Variants in RTN4 observed in about 807,000 individuals in gnomAD.
The protein encoded by RTN4 is reticulon 4.
In RTN4, 32 loss-of-function variants were observed where a neutral mutation model predicts 90.4. The observed-to-expected ratio is 0.35, with a 90% confidence interval of 0.27 to 0.48. The LOEUF (loss-of-function observed/expected upper bound fraction) is 0.48. RTN4 is among the 20% of genes least tolerant of loss of function. RTN4 has a pLI of 0.99. For synonymous variants in RTN4, 629 were observed against 552.5 expected (o/e 1.14, Z -1.94); for missense variants, 1,706 against 1,430.2 (o/e 1.19, Z -3.11).
chr2:55,110,694 C>T (rs1668022611), intron 1 of RTN4, among the ~76,000 whole-genome samples: 1 of 152,080 alleles, frequency 6.6e-6, no homozygotes, highest in African/African-American at 2.4e-5. Flanking sequence ...GTGTTTACTC[C>T]AGAAATAAAA....
At chr2:55,041,392 T>TA (rs1014135175) in intron 1 of RTN4, among the ~76,000 whole-genome samples, 9 of 151,842 alleles carry the variant, frequency 5.9e-5, no homozygotes, top group African/African-American at 2.2e-4. Flanking sequence ...GGGGACAAGA[T>TA]AAAAAAAATT....
chr2:55,004,117 ACC>A lies in RTN4; in HGVS notation c.3014-16421_3014-16420del, dbSNP rs1210146911. 2.6e-5 allele frequency among the ~76,000 whole-genome samples: 4 copies of A among 152,258 alleles called. No individual in the cohort carries two copies. In the East Asian group the frequency reaches 7.7e-4, roughly 29 times the overall value. On this transcript the variant is annotated intron_variant, in intron 3 of 8. Transcript: ENST00000337526. ...GCCCAGAGAACTCCCACTAGGTTTA[ACC>A]TTTTGACAATACCTGTACTAAATGA... is the stretch of plus-strand genomic sequence containing the variant.
At chr2:55,000,976 A>T (rs1679811697) in intron 3 of RTN4, among the ~76,000 whole-genome samples, 1 of 149,054 alleles carries the variant, frequency 6.7e-6, no homozygotes, top group African/African-American at 2.6e-5. Context: ...CCTTAAAAAT[A>T]AATTTATACT....
At chr2:55,011,531 T>C (rs914910545) in intron 3 of RTN4, among the ~76,000 whole-genome samples, 1 of 152,156 alleles carries the variant, frequency 6.6e-6, no homozygotes, top group Non-Finnish European at 1.5e-5. Context: ...GCGAAAATAC[T>C]ATAAGATACG....
intron 3 of RTN4, among the ~76,000 whole-genome samples, chr2:54,988,890 G>C (rs1678787003): frequency 1.3e-5 from 2 of 152,220 alleles, no homozygotes; most frequent in Admixed American, 1.3e-4. Context: ...AATGCAAGGA[G>C]AACCCCGAAG....
At chr2:55,048,895 T>C (rs1340037804) in intron 1 of RTN4, among the ~76,000 whole-genome samples, 1 of 152,162 alleles carries the variant, frequency 6.6e-6, no homozygotes, top group Non-Finnish European at 1.5e-5. Flanking sequence ...GATTCAATTA[T>C]GATGCACTAA....
chr2:55,005,662 TTGAG>T (rs1257940404), intron 3 of RTN4, among the ~76,000 whole-genome samples: 4 of 152,140 alleles, frequency 2.6e-5, no homozygotes, highest in Admixed American at 2.6e-4. Flanking sequence ...TTTTTACAGG[TTGAG>T]TATTACTGTA....
chr2:55,110,655 C>A (rs564532506), intron 1 of RTN4, among the ~76,000 whole-genome samples: 1 of 152,278 alleles, frequency 6.6e-6, no homozygotes, highest in East Asian at 1.9e-4. Flanking sequence ...TTAAAAAAAA[C>A]TGTCTCATTC....
intron 1 of RTN4, among the ~76,000 whole-genome samples, chr2:55,041,515 T>A (rs1442926238): frequency 6.6e-6 from 1 of 152,088 alleles, no homozygotes; most frequent in Non-Finnish European, 1.5e-5. Context: ...TACTTCTGTG[T>A]GAACTGACAG....
chr2:55,093,550 A>G (rs912960038), intron 1 of RTN4, among the ~76,000 whole-genome samples: 3 of 152,152 alleles, frequency 2.0e-5, no homozygotes, highest in African/African-American at 7.2e-5. Flanking sequence ...AGCATAGCTT[A>G]GAGGTGATGC....
At chr2:55,005,726 T>G (rs577064524) in intron 3 of RTN4, among the ~76,000 whole-genome samples, 1 of 152,186 alleles carries the variant, frequency 6.6e-6, no homozygotes, top group East Asian at 1.9e-4. Context: ...TTTGGAATAC[T>G]TGCATATACG....
intron 1 of RTN4, chr2:55,049,282 G>A (rs1052857929): frequency 1.1e-4 from 56 of 492,160 alleles, no homozygotes; most frequent in African/African-American, 9.8e-4. Context: ...CAACAGACCC[G>A]CAGCAAAACT....
chr2:55,128,330 G>A, the RTN4 span, among the ~76,000 whole-genome samples: 26 of 152,188 alleles, frequency 1.7e-4, 1 homozygote, highest in East Asian at 5.0e-3. Flanking sequence ...CACCCTCCTA[G>A]GGTGGAAGAC....
chr2:54,992,842 G>A (rs1381356954), intron 3 of RTN4, among the ~76,000 whole-genome samples: 1 of 152,020 alleles, frequency 6.6e-6, no homozygotes, highest in African/African-American at 2.4e-5. Context: ...GGCCGAGGCA[G>A]GTGGATCATG....
rs200990119 is a variant in RTN4 at position 54,972,930 on chromosome 2, G to A, written c.*226C>T. On this transcript the variant is annotated 3_prime_UTR_variant, in exon 9 of 9. Transcript: ENST00000337526. Reference sequence around the variant, plus strand: ...ATAGATAGGAAAAAGATATGATTACGGTTTAAATCCATACATAGCAGCTTA... The same window carrying A: ...ATAGATAGGAAAAAGATATGATTACAGTTTAAATCCATACATAGCAGCTTA... 8 of 385,468 alleles carry A rather than the reference G, an allele frequency of 2.1e-5. No individual in the cohort carries two copies. The highest frequency in any genetic ancestry group is 1.0e-4 in the African/African-American group (5 of 48,156). 23.9% of individuals were successfully genotyped at this position (385,468 alleles called of 1,614,324 possible). A position where few individuals can be genotyped will look rare whatever the true frequency, so the allele number is the denominator to read the frequency against.
At chr2:55,116,276 ACT>A (rs1668124198), upstream of RTN4, among the ~76,000 whole-genome samples, 3 of 151,996 alleles carry the variant, frequency 2.0e-5, no homozygotes, top group South Asian at 6.2e-4. Context: ...AGCTGATAAG[ACT>A]CTGGCTGTGC....
At chr2:55,022,128 T>C (rs1420896360) in intron 3 of RTN4, among the ~76,000 whole-genome samples, 1 of 152,188 alleles carries the variant, frequency 6.6e-6, no homozygotes, top group Non-Finnish European at 1.5e-5. Context: ...AGGTGACTCC[T>C]GAAATACTGA....
rs1267747499 is a variant in RTN4 at position 54,973,093 on chromosome 2, C to G, written c.*63G>C. 2 of 1,380,720 alleles carry G rather than the reference C, an allele frequency of 1.4e-6. No homozygotes were observed. The highest frequency in any genetic ancestry group is 2.4e-5 in the South Asian group (2 of 82,100). 85.5% of individuals were successfully genotyped at this position (1,380,720 alleles called of 1,614,324 possible). On this transcript the variant is annotated 3_prime_UTR_variant, in exon 9 of 9. Transcript: ENST00000337526. ...CAAGGTTCGTTCTTCCCTGACCCTC[C>G]CCCGTATAATCAAATGAATATCCCC...
upstream of RTN4, among the ~76,000 whole-genome samples, chr2:55,051,257 G>A (rs1338520483): frequency 6.6e-6 from 1 of 152,088 alleles, no homozygotes; most frequent in East Asian, 1.9e-4. Context: ...ACTCTTACAT[G>A]GTAAGAGAGT....
Sources: allele counts gnomAD v4.1 joint callset (sites outside exome capture counted in the v4.1 genomes callset), GRCh38; gene constraint gnomAD v4.1.1; transcripts MANE v1.5; gene names NCBI Gene and HGNC (gene_info 2026-07-23, HGNC 2026-07-21).